OLAH: variants seen among roughly 807,000 people sequenced by gnomAD.
The protein encoded by OLAH is oleoyl-ACP hydrolase.
In OLAH, 33 loss-of-function variants were observed where a neutral mutation model predicts 27.8. The observed-to-expected ratio is 1.19, with a 90% CI of 0.90 to 1.59. OLAH has a LOEUF of 1.59. OLAH is among the 40% of genes most tolerant of loss of function. OLAH has a pLI of 0.00. For synonymous variants in OLAH, 120 were observed against 102.9 expected, an observed-to-expected ratio of 1.17 and a Z score of -1.01; for missense variants, 359 against 310.8, an observed-to-expected ratio of 1.16 and a Z score of -1.17.
chr10:15,062,397 G>A (rs1436486551), intron 4 of OLAH, among the ~76,000 whole-genome samples: 1 of 151,938 alleles, frequency 6.6e-6, no homozygotes, highest in African/African-American at 2.4e-5. Flanking sequence ...TGGTCAAGCA[G>A]AAATTGAAAA....
Position 15,065,511 on chromosome 10 carries a change from T to C in OLAH, c.403-73T>C, listed in dbSNP as rs913619441. 8.8e-6 allele frequency: 13 copies of C among 1,473,722 alleles called. No homozygotes were observed. The Admixed American group carries it at 1.4e-4, about 16-fold the overall frequency. The allele number at this position is 1,473,722 out of a possible 1,614,324, so 91.3% of individuals were successfully genotyped here. Reference sequence around the variant, plus strand: ...TTGGTTTAATGACTTTTCCCTTAGATCAACAGTTTTCAGTTTATGAGCCAA... The same window carrying C: ...TTGGTTTAATGACTTTTCCCTTAGACCAACAGTTTTCAGTTTATGAGCCAA... On this transcript the variant is annotated intron_variant, in intron 5 of 7. Transcript: ENST00000378228.
chr10:15,043,331 G>T (rs1025628958), upstream of OLAH, among the ~76,000 whole-genome samples: 5 of 152,076 alleles, frequency 3.3e-5, no homozygotes, highest in African/African-American at 9.7e-5. Flanking sequence ...GGTCCTTAGT[G>T]TTATGTGTTT....
chr10:15,059,042 CTCCTTCCATCCCTTCCCT>C (rs1844306150), intron 3 of OLAH, among the ~76,000 whole-genome samples: 3 of 115,164 alleles, frequency 2.6e-5, no homozygotes, highest in Admixed American at 8.5e-5. Context: ...CCTTCCCTCT[CTCCTTCCATCCCTTCCCT>C]TCCTTCCCTC....
chr10:15,043,280 C>A (rs781735930), upstream of OLAH, among the ~76,000 whole-genome samples: 1 of 151,996 alleles, frequency 6.6e-6, no homozygotes, highest in Non-Finnish European at 1.5e-5. Context: ...ATTGAAAACA[C>A]GAAAAGTCTT....
At chr10:15,060,493 T>G (rs760965069) in intron 3 of OLAH, among the ~76,000 whole-genome samples, 2 of 152,010 alleles carry the variant, frequency 1.3e-5, no homozygotes, top group Non-Finnish European at 2.9e-5. Context: ...GTGGATAGTT[T>G]CTTTTTCTAT....
chr10:15,036,968 A>C (rs1843849808), intron 1 of OLAH, among the ~76,000 whole-genome samples: 1 of 151,756 alleles, frequency 6.6e-6, no homozygotes, highest in African/African-American at 2.4e-5. Context: ...AATCCCAGAT[A>C]CTCCGGAGGC....
chr10:15,039,297 G>A (rs1205069577), upstream of OLAH, among the ~76,000 whole-genome samples: 1 of 152,102 alleles, frequency 6.6e-6, no homozygotes, highest in African/African-American at 2.4e-5. Flanking sequence ...TGCATGTGTG[G>A]CTGGGTGCCA....
intron 3 of OLAH, among the ~76,000 whole-genome samples, chr10:15,053,777 C>A (rs1844191721): frequency 6.6e-6 from 1 of 151,752 alleles, no homozygotes; most frequent in African/African-American, 2.4e-5. Flanking sequence ...TGTGGTGGTG[C>A]AATCACAGCT....
At chr10:15,052,267 AGTGAGACTC>A in intron 3 of OLAH, among the ~76,000 whole-genome samples, 1 of 152,202 alleles carries the variant, frequency 6.6e-6, no homozygotes, top group Non-Finnish European at 1.5e-5. Context: ...TGGGCCACAG[AGTGAGACTC>A]TGCCTAAAAA....
At chr10:15,038,993 CAGG>C (rs751868142), upstream of OLAH, among the ~76,000 whole-genome samples, 1 of 152,122 alleles carries the variant, frequency 6.6e-6, no homozygotes, top group Non-Finnish European at 1.5e-5. Flanking sequence ...GAAGCTAAAG[CAGG>C]AGAACTGCTT....
rs1217056503 is a variant in OLAH, at chr10:15,049,778, T to G, written c.163+13T>G. The G allele has an allele frequency of 6.2e-7, 1 of 1,600,158 alleles. No homozygotes were observed. The highest frequency in any genetic ancestry group is 1.8e-5 in the Admixed American group (1 of 55,298). On this transcript the variant is annotated intron_variant, in intron 3 of 7. Transcript: ENST00000378228. Reference sequence around the variant, plus strand: ...GATTTGCTGGAAGGTATGTTAATTTTTAACATCATTTAAGCAATTTAAAAG... The same window carrying G: ...GATTTGCTGGAAGGTATGTTAATTTGTAACATCATTTAAGCAATTTAAAAG...
At chr10:15,042,513 C>G (rs532392301), upstream of OLAH, among the ~76,000 whole-genome samples, 1 of 152,268 alleles carries the variant, frequency 6.6e-6, no homozygotes, top group African/African-American at 2.4e-5. Context: ...TATCCACCCT[C>G]TCAAACATTT....
rs1255307916 is a variant in OLAH, at chr10:15,073,203, G to T, written c.772G>T (p.Glu258Ter). ...LIKNYIIKCL[E>*]VSSISNF ...CAAGAACTACATAATCAAGTGTCTA[G>T]AAGTATCATCGATATCCAATTTTTA... The change falls in exon 8 of 8, where the codon GAA (glutamate) becomes TAA (stop). Residue 258 changes from glutamate to a stop codon, truncating the protein, a stop_gained. Transcript: ENST00000378228. LOFTEE classifies it low-confidence loss of function (END_TRUNC). 6.3e-7 allele frequency: 1 copy of T among 1,599,514 alleles called. No homozygotes were observed. Among genetic ancestry groups the T allele is most frequent in the South Asian group, 1.1e-5 (1 of 89,516 alleles).
chr10:15,039,404 C>T (rs1171537556), upstream of OLAH, among the ~76,000 whole-genome samples: 4 of 152,214 alleles, frequency 2.6e-5, no homozygotes, highest in South Asian at 4.1e-4. Flanking sequence ...ACCCTGAAAC[C>T]CCATCTCTAC....
intron 3 of OLAH, among the ~76,000 whole-genome samples, chr10:15,055,151 A>C (rs1444919432): frequency 6.6e-6 from 1 of 152,104 alleles, no homozygotes; most frequent in Non-Finnish European, 1.5e-5. Flanking sequence ...TTTTTAGTAG[A>C]GATGGGGAAA....
chr10:15,038,209 T>C (rs1843871248), intron 1 of OLAH, among the ~76,000 whole-genome samples: 8 of 152,266 alleles, frequency 5.3e-5, no homozygotes, highest in Admixed American at 5.2e-4. Context: ...TACCCCATTG[T>C]ATCTAGGAAG....
intron 6 of OLAH, among the ~76,000 whole-genome samples, chr10:15,068,478 C>CG (rs1440697807): frequency 6.6e-6 from 1 of 152,104 alleles, no homozygotes; most frequent in Non-Finnish European, 1.5e-5. Flanking sequence ...CTGCAACCTC[C>CG]GTCTCCTGGG....
intron 3 of OLAH, among the ~76,000 whole-genome samples, chr10:15,057,707 T>C (rs1297786553): frequency 6.6e-6 from 1 of 152,058 alleles, no homozygotes; most frequent in Non-Finnish European, 1.5e-5. Context: ...TTCTGTCCCA[T>C]TGGTGTACTT....
chr10:15,035,218 A>G (rs1843823681), intron 1 of OLAH, among the ~76,000 whole-genome samples: 1 of 152,218 alleles, frequency 6.6e-6, no homozygotes, highest in Admixed American at 6.5e-5. Context: ...GCCACGGACC[A>G]GAGAAAGCCC....
Sources: gnomAD v4.1 joint callset for allele counts (sites outside exome capture counted in the v4.1 genomes callset) on GRCh38, gnomAD v4.1.1 for gene constraint, MANE v1.5 for transcripts, NCBI Gene and HGNC (gene_info 2026-07-23, HGNC 2026-07-21) for gene names.